The following SBK2 variants were observed in gnomAD, a reference collection of about 807,000 sequenced individuals.
SBK2 encodes serine/threonine-protein kinase SBK2.
Under a neutral mutation model 15.9 loss-of-function variants are expected in SBK2, and 18 were observed. That is an observed-to-expected ratio of 1.13 (90% CI 0.78 to 1.68). SBK2 has a LOEUF of 1.68. Among genes scored for constraint, SBK2 ranks in the 40% most tolerant of loss-of-function variants. The pLI, the probability that SBK2 is intolerant of heterozygous loss-of-function variation, is 0.00. For missense variants in SBK2, 581 were observed against 510.9 expected (o/e 1.14, Z -1.32); for synonymous variants, 284 against 246.8 (o/e 1.15, Z -1.41).
At position 55,529,347 on chromosome 19, in the gene SBK2, GAT is replaced by G. The variant is rs1391664242; in HGVS notation, c.*384_*385del. ...GGATTTTGAGACTGCAGTGAGCAGAGATAGCACCACTGCACTCCAGCCTGGGA... is the reference window on the plus strand; with the variant it reads ...GGATTTTGAGACTGCAGTGAGCAGAGAGCACCACTGCACTCCAGCCTGGGA... On this transcript the variant is annotated 3_prime_UTR_variant, in exon 4 of 4. Coordinates refer to ENST00000413299, the MANE Select transcript of SBK2 (RefSeq NM_001370096.2). 6.6e-6 allele frequency among the ~76,000 whole-genome samples: 1 copy of G among 152,230 alleles called. No homozygotes were observed. Among genetic ancestry groups the G allele is most frequent in the Non-Finnish European group, 1.5e-5 (1 of 68,048 alleles).
chr19:55,530,038 CCCAGGCGT>C lies in SBK2; in HGVS notation c.734_741del (p.Asp245GlyfsTer251), dbSNP rs1988210720. 2 of 1,488,824 alleles carry C rather than the reference CCCAGGCGT, an allele frequency of 1.3e-6. No homozygotes were observed. The highest frequency in any genetic ancestry group is 1.8e-6 in the Non-Finnish European group (2 of 1,123,594). The allele number at this position is 1,488,824 out of a possible 1,614,324, so 92.2% of individuals were successfully genotyped here. On this transcript the variant is annotated frameshift_variant, in exon 4 of 4. Transcript: ENST00000413299. LOFTEE classifies it low-confidence loss of function (END_TRUNC). ...AGGCAGAAGAGCAGGACGCCCAGCG[CCCAGGCGT>C]CCAGGGCGGGCTGAATGGGCAGGCC...
At chr19:55,533,275 G>A (rs1319490896) in intron 2 of SBK2, among the ~76,000 whole-genome samples, 2 of 151,628 alleles carry the variant, frequency 1.3e-5, no homozygotes, top group African/African-American at 4.9e-5. Context: ...AGGTTGTAGT[G>A]AGCCAAGATT....
chr19:55,532,686 C>T (rs1010572485), intron 2 of SBK2, among the ~76,000 whole-genome samples: 10 of 148,762 alleles, frequency 6.7e-5, no homozygotes, highest in African/African-American at 2.2e-4. Flanking sequence ...CTGCAACCTC[C>T]GCCTCCCGGG....
intron 2 of SBK2, among the ~76,000 whole-genome samples, chr19:55,532,146 C>T (rs762316971): frequency 1.3e-4 from 19 of 151,834 alleles, no homozygotes; most frequent in African/African-American, 4.4e-4. Flanking sequence ...ACAGCAAACT[C>T]GTGTTTGAGG....
chr19:55,532,601 C>CTTCT lies in SBK2; in HGVS notation c.254-1257_254-1256insAGAA, dbSNP rs1555770350. 6.6e-3 allele frequency among the ~76,000 whole-genome samples: 843 copies of CTTCT among 128,380 alleles called. 12 individuals are homozygous for CTTCT. The highest frequency in any genetic ancestry group is 7.8e-3 in the Non-Finnish European group (494 of 63,454). 84.2% of individuals were successfully genotyped at this position (128,380 alleles called of 152,430 possible). A position where few individuals can be genotyped will look rare whatever the true frequency, so the allele number is the denominator to read the frequency against. ...ACAGGTGTGAGCCACTACACCCGCC[C>CTTCT]TTTTTTTTTTTTTTTTTAAGACAGG... On this transcript the variant is annotated intron_variant, in intron 2 of 3. Transcript: ENST00000413299.
intron 2 of SBK2, among the ~76,000 whole-genome samples, chr19:55,533,512 G>A (rs907262002): frequency 1.3e-5 from 2 of 150,168 alleles, no homozygotes; most frequent in Non-Finnish European, 3.0e-5. Context: ...GCCAGGTGTG[G>A]TGGTGCATGC....
intron 2 of SBK2, 110 bp downstream of exon 2, chr19:55,535,932 G>T: frequency 9.5e-7 from 1 of 1,048,096 alleles, no homozygotes; most frequent in Non-Finnish European, 1.3e-6. Context: ...GCTTTGGAGG[G>T]CAGAGGTAAG....
rs1988172393 is a variant in SBK2 at position 55,528,785 on chromosome 19, T to C, written c.*948A>G. On this transcript the variant is annotated 3_prime_UTR_variant, in exon 4 of 4. Transcript: ENST00000413299. ...GCCACACCAGACAGGCTAATTTATT[T>C]AACAGACATTTCCTGATCCCTGCTG... Among the ~76,000 whole-genome samples the C allele has an allele frequency of 6.6e-6, 1 of 152,118 alleles. No homozygotes were observed. The highest frequency in any genetic ancestry group is 2.1e-4 in the South Asian group (1 of 4,828).
intron 2 of SBK2, among the ~76,000 whole-genome samples, chr19:55,533,149 G>A (rs1386329086): frequency 6.6e-6 from 1 of 151,862 alleles, no homozygotes; most frequent in African/African-American, 2.4e-5. Context: ...TGGCAAACAT[G>A]GCGAAACCCC....
At chr19:55,532,295 CTTTTT>C (rs540857379) in intron 2 of SBK2, among the ~76,000 whole-genome samples, 32 of 77,088 alleles carry the variant, frequency 4.2e-4, no homozygotes, top group African/African-American at 1.6e-3. Context: ...TGATGTCTTC[CTTTTT>C]TTTTTTTTTT....
rs554561970 is a variant in SBK2, at chr19:55,530,151, C to A, written c.629G>T (p.Arg210Leu). The A allele has an allele frequency of 1.0e-4, 153 of 1,506,774 alleles. No individual in the cohort carries two copies. In the African/African-American group the frequency reaches 1.7e-3, roughly 16 times the overall value. 93.3% of individuals were successfully genotyped at this position (1,506,774 alleles called of 1,614,324 possible). The change falls in exon 4 of 4, where the codon CGC (arginine) becomes CTC (leucine). Residue 210 changes from arginine (R) to leucine (L), a missense_variant. Transcript: ENST00000413299. The stretch of plus-strand genomic sequence containing the variant: ...CCCGGCCAGGCGCAGCAGCGTCCCG[C>A]GAGGCCTCGTGTGGCCGAAGTCGGT... ...KLTDFGHTRP[R>L]GTLLRLAGPP...
chr19:55,529,666 C>A lies in SBK2; in HGVS notation c.*67G>T. 6.5e-7 allele frequency: 1 copy of A among 1,548,928 alleles called. No individual in the cohort carries two copies. Among genetic ancestry groups the A allele is most frequent in the Non-Finnish European group, 8.7e-7 (1 of 1,155,540 alleles). ...TGGATGAAAACACACCGAGGAGACA[C>A]CAAAAGCCGTTGGCCTTGGGGGCCT... On this transcript the variant is annotated 3_prime_UTR_variant, in exon 4 of 4. Coordinates refer to ENST00000413299, the MANE Select transcript of SBK2 (RefSeq NM_001370096.2).
At position 55,535,797 on chromosome 19, in the gene SBK2, A is replaced by T. The variant is rs310454; in HGVS notation, c.253+245T>A. ...TACATGGGAGGCTGAGGCAGGAGGA[A>T]CACTTGAACCTGGGAGGTGGAAGTT... On this transcript the variant is annotated intron_variant, in intron 2 of 3. Transcript: ENST00000413299. 0.74 allele frequency among the ~76,000 whole-genome samples: 112,715 copies of T among 152,162 alleles called. 42,942 individuals carry two copies. The highest frequency in any genetic ancestry group is 0.85 in the Non-Finnish European group (57,842 of 68,020).
intron 2 of SBK2, among the ~76,000 whole-genome samples, chr19:55,534,624 T>G (rs993253295): frequency 6.9e-6 from 1 of 145,348 alleles, no homozygotes; most frequent in African/African-American, 2.6e-5. Context: ...GGAGGATCCC[T>G]TGAGCCCAGG....
intron 2 of SBK2, among the ~76,000 whole-genome samples, chr19:55,533,653 C>G (rs1988326624): frequency 9.2e-5 from 1 of 10,902 alleles, no homozygotes; most frequent in Non-Finnish European, 1.4e-4. Context: ...GAGCGAGACT[C>G]CGTCTCAAAA....
chr19:55,530,045 G>GT lies in SBK2; in HGVS notation c.734dup (p.Asp245GlufsTer254). On this transcript the variant is annotated frameshift_variant, in exon 4 of 4. Coordinates refer to ENST00000413299, the MANE Select transcript of SBK2 (RefSeq NM_001370096.2). LOFTEE classifies it low-confidence loss of function (END_TRUNC). ...AGAGCAGGACGCCCAGCGCCCAGGCGTCCAGGGCGGGCTGAATGGGCAGGC... is the reference window on the plus strand; with the variant it reads ...AGAGCAGGACGCCCAGCGCCCAGGCGTTCCAGGGCGGGCTGAATGGGCAGGC... 1 of 1,477,420 alleles carries GT rather than the reference G, an allele frequency of 6.8e-7. No individual in the cohort carries two copies. The highest frequency in any genetic ancestry group is 8.9e-7 in the Non-Finnish European group (1 of 1,118,824). 91.5% of individuals were successfully genotyped at this position (1,477,420 alleles called of 1,614,324 possible).
chr19:55,533,016 C>T (rs1988307674), intron 2 of SBK2, among the ~76,000 whole-genome samples: 1 of 152,114 alleles, frequency 6.6e-6, no homozygotes, highest in South Asian at 2.1e-4. Flanking sequence ...CCTCACAAGG[C>T]CGTGTGTAAC....
rs141633894 is a variant in SBK2, at chr19:55,530,706, G to T, written c.457-383C>A. On this transcript the variant is annotated intron_variant, in intron 3 of 3. Coordinates refer to ENST00000413299, the MANE Select transcript of SBK2 (RefSeq NM_001370096.2). ...ACCTGTGAGGCCTGTGGGTTTAGTG[G>T]GGCCTAGTGTGACCTGTGAGGCCTG... 3.8e-3 allele frequency among the ~76,000 whole-genome samples: 54 copies of T among 14,364 alleles called. 7 individuals carry two copies. Among genetic ancestry groups the T allele is most frequent in the African/African-American group, 7.5e-3 (48 of 6,418 alleles). The allele number at this position is 14,364 out of a possible 152,430, so 9.4% of individuals were successfully genotyped here. A position where few individuals can be genotyped will look rare whatever the true frequency, so the allele number is the denominator to read the frequency against.
In SBK2 at chr19:55,530,062, TG is replaced by T; in HGVS notation, c.717del (p.Ile240PhefsTer79). 6.9e-7 allele frequency: 1 copy of T among 1,455,780 alleles called. No individual in the cohort carries two copies. Among genetic ancestry groups the T allele is most frequent in the Non-Finnish European group, 9.0e-7 (1 of 1,109,722 alleles). The allele number at this position is 1,455,780 out of a possible 1,614,324, so 90.2% of individuals were successfully genotyped here. A position where few individuals can be genotyped will look rare whatever the true frequency, so the allele number is the denominator to read the frequency against. On this transcript the variant is annotated frameshift_variant, in exon 4 of 4. Coordinates refer to ENST00000413299, the MANE Select transcript of SBK2 (RefSeq NM_001370096.2). LOFTEE classifies it low-confidence loss of function (END_TRUNC). ...CAPPPLPEGL[P>X]IQPALDAWAL... The stretch of plus-strand genomic sequence containing the variant: ...GCCCAGGCGTCCAGGGCGGGCTGAA[TG>T]GGCAGGCCCTCGGGGAGCGGCGGGG...
Sources: gnomAD v4.1 joint callset for allele counts (sites outside exome capture counted in the v4.1 genomes callset) on GRCh38, gnomAD v4.1.1 for gene constraint, MANE v1.5 for transcripts, NCBI Gene and HGNC (gene_info 2026-07-23, HGNC 2026-07-21) for gene names.